Variants in FAT2 observed in about 807,000 individuals in gnomAD.
The protein encoded by FAT2 is protocadherin Fat 2.
A neutral mutation model predicts 295.3 loss-of-function variants in FAT2; 150 were observed. The ratio of observed to expected loss-of-function variants is 0.51; its 90% confidence interval spans 0.44 to 0.58. The LOEUF (loss-of-function observed/expected upper bound fraction) is 0.58, where lower values mean the gene tolerates loss of function less well. Among genes scored for constraint, FAT2 ranks in the 20% least tolerant of loss-of-function variants. The probability of loss-of-function intolerance (pLI) is 0.00; values close to 1 mark genes in which losing one functional copy is unlikely to be tolerated. For missense variants in FAT2, 4,868 were observed against 5,442.7 expected, an observed-to-expected ratio of 0.89 and a Z score of 3.32; for synonymous variants, 2,026 against 2,150.3, an observed-to-expected ratio of 0.94 and a Z score of 1.60.
chr5:151,547,981 A>C (rs58582772), intron 9 of FAT2, among the ~76,000 whole-genome samples: 1 of 152,338 alleles, frequency 6.6e-6, no homozygotes, highest in African/African-American at 2.4e-5. Context: ...AAACTAATCT[A>C]ATCTGGAAAA....
At chr5:151,549,573 G>A in intron 8 of FAT2, 68 bp from the exon 9 acceptor site, 10 of 1,353,296 alleles carry the variant, frequency 7.4e-6, no homozygotes, top group Non-Finnish European at 1.0e-5. Flanking sequence ...TTAGGGTAAG[G>A]TTAATGAACT....
At chr5:151,553,040 C>T (rs1757359946) in intron 6 of FAT2, 137 bp downstream of exon 6, 1 of 761,902 alleles carries the variant, frequency 1.3e-6, no homozygotes, top group Non-Finnish European at 2.2e-6. Flanking sequence ...AAGAGGCAGT[C>T]CCCACTCCGG....
chr5:151,519,749 T>TA (rs1331532221), intron 19 of FAT2, among the ~76,000 whole-genome samples: 4 of 152,170 alleles, frequency 2.6e-5, no homozygotes, highest in African/African-American at 7.2e-5. Flanking sequence ...TATATTTCAC[T>TA]AAAATGTTAA....
At chr5:151,535,751 C>T (rs1294759042) in intron 12 of FAT2, among the ~76,000 whole-genome samples, 9 of 152,120 alleles carry the variant, frequency 5.9e-5, no homozygotes, top group Non-Finnish European at 1.2e-4. Context: ...GGGGTAGAGT[C>T]TTGTGGACAG....
chr5:151,546,990 C>G (rs1756702525), intron 9 of FAT2, among the ~76,000 whole-genome samples: 1 of 152,200 alleles, frequency 6.6e-6, no homozygotes, highest in African/African-American at 2.4e-5. Context: ...TAGGCATTCT[C>G]ACATCACCTT....
At chr5:151,563,261 G>T (rs2127641185) in intron 3 of FAT2, 64 bp downstream of exon 3, 1 of 1,465,526 alleles carries the variant, frequency 6.8e-7, no homozygotes, top group Non-Finnish European at 9.4e-7. Context: ...GTGCCGATTT[G>T]GGCCCACAAT....
intron 2 of FAT2, 23 bp downstream of exon 2, chr5:151,565,645 GCACCC>G: frequency 6.6e-7 from 1 of 1,521,648 alleles, no homozygotes; most frequent in Non-Finnish European, 8.9e-7. Context: ...TCTGGCCCTG[GCACCC>G]CACCCTACCC....
intron 2 of FAT2, 26 bp downstream of exon 2, chr5:151,565,647 A>AGGGCCCCCC: frequency 3.4e-6 from 5 of 1,461,022 alleles, no homozygotes; most frequent in East Asian, 2.4e-5. Context: ...TGGCCCTGGC[A>AGGGCCCCCC]CCCCACCCTA....
intron 1 of FAT2, among the ~76,000 whole-genome samples, chr5:151,574,413 G>A (rs902255145): frequency 9.9e-5 from 15 of 152,166 alleles, no homozygotes; most frequent in African/African-American, 3.6e-4. Flanking sequence ...AACATATTCT[G>A]TTTATGAAAA....
chr5:151,538,056 A>AGG (rs904580699), intron 11 of FAT2, 110 bp from the exon 12 acceptor site: 2 of 883,526 alleles, frequency 2.3e-6, no homozygotes, highest in Admixed American at 5.2e-5. Flanking sequence ...AGACACTAAG[A>AGG]GGGCAGAGAC....
chr5:151,540,510 C>T (rs1003178452), intron 11 of FAT2, 57 bp downstream of exon 11: 1 of 1,510,620 alleles, frequency 6.6e-7, no homozygotes, highest in East Asian at 2.3e-5. Flanking sequence ...TTCTCCCACC[C>T]CTCACTCTTA....
At chr5:151,549,155 A>G in intron 9 of FAT2, 140 bp downstream of exon 9, 1 of 724,912 alleles carries the variant, frequency 1.4e-6, no homozygotes, top group Non-Finnish European at 2.3e-6. Flanking sequence ...AGGTAGTCCC[A>G]GGGAATGCTC....
At position 151,531,694 on chromosome 5, in the gene FAT2, G is replaced by A. The variant is rs763391750; in HGVS notation, c.9704C>T (p.Thr3235Met). The A allele has an allele frequency of 1.2e-6, 2 of 1,613,860 alleles. No homozygotes were observed. Among genetic ancestry groups the A allele is most frequent in the Non-Finnish European group, 1.7e-6 (2 of 1,179,900 alleles). The change falls in exon 14 of 24, where the codon ACG (threonine) becomes ATG (methionine). Residue 3235 changes from threonine to methionine, a missense_variant. By Grantham distance (81) the Thr-to-Met change is moderately conservative (BLOSUM62 -1). Coordinates refer to ENST00000261800, the MANE Select transcript of FAT2 (RefSeq NM_001447.3). The surrounding 1 kb of genome is among the most constrained non-coding windows in gnomAD (Gnocchi z 5.7). ...VQVPEDAPPGTEVLQLATLTR... is the reference protein window; with the variant it reads ...VQVPEDAPPGMEVLQLATLTR... Reference sequence around the variant, plus strand: ...GAGGGTGGCCAGCTGCAGCACCTCCGTGCCAGGTGGGGCGTCCTCGGGCAC... The same window carrying A: ...GAGGGTGGCCAGCTGCAGCACCTCCATGCCAGGTGGGGCGTCCTCGGGCAC...
At chr5:151,579,616 T>C (rs1758867682) in intron 1 of FAT2, among the ~76,000 whole-genome samples, 2 of 152,174 alleles carry the variant, frequency 1.3e-5, no homozygotes, top group Admixed American at 1.3e-4. Flanking sequence ...TATGAGTTAA[T>C]GGATGTGTTA....
In FAT2 at chr5:151,568,947, A is replaced by G; in HGVS notation, c.-16T>C. 6.3e-7 allele frequency: 1 copy of G among 1,578,364 alleles called. No individual in the cohort carries two copies. Among genetic ancestry groups the G allele is most frequent in the Non-Finnish European group, 8.6e-7 (1 of 1,163,562 alleles). On this transcript the variant is annotated 5_prime_UTR_variant, in exon 2 of 24. Transcript: ENST00000261800. Reference sequence around the variant, plus strand: ...CAATAGTCATGGTGGAAAACTCCCGAAACCCTGGGCAGAAAATAAAAGACA... The same window carrying G: ...CAATAGTCATGGTGGAAAACTCCCGGAACCCTGGGCAGAAAATAAAAGACA...
At chr5:151,554,742 T>A (rs2127632203) in intron 4 of FAT2, 69 bp from the exon 5 acceptor site, 1 of 1,178,584 alleles carries the variant, frequency 8.5e-7, no homozygotes, top group South Asian at 1.4e-5. Context: ...TTTAACAACC[T>A]GGAAATAGTA....
rs1760969245 is a variant in FAT2, at chr5:151,507,339, C to T, written c.12332G>A (p.Cys4111Tyr). ...IELNPLSASS[C>Y]NNLNQPEPSK... ...GGGTTCCGGTTGGTTGAGGTTGTTG[C>T]AGGAGCTGGCACTCAATGGGTTGAG... The change falls in exon 23 of 24, where the codon TGC becomes TAC. Residue 4111 changes from cysteine to tyrosine, a missense_variant. By Grantham distance (194) the Cys-to-Tyr change is radical. Coordinates refer to ENST00000261800, the MANE Select transcript of FAT2 (RefSeq NM_001447.3). The T allele has an allele frequency of 6.2e-7, 1 of 1,614,176 alleles. No individual in the cohort carries two copies. Among genetic ancestry groups the T allele is most frequent in the East Asian group, 2.2e-5 (1 of 44,876 alleles).
intron 1 of FAT2, among the ~76,000 whole-genome samples, chr5:151,581,059 A>T (rs1181007984): frequency 1.3e-5 from 2 of 152,136 alleles, no homozygotes; most frequent in Non-Finnish European, 2.9e-5. Context: ...AGGCACCTCC[A>T]GGAGGTGGAG....
chr5:151,559,647 C>CTG (rs145392136), intron 3 of FAT2, among the ~76,000 whole-genome samples: 28 of 151,816 alleles, frequency 1.8e-4, no homozygotes, highest in Non-Finnish European at 3.1e-4. Flanking sequence ...GCCTCTCTCT[C>CTG]TGTGTGTGTG....
Sources: allele counts gnomAD v4.1 joint callset (sites outside exome capture counted in the v4.1 genomes callset), GRCh38; gene constraint gnomAD v4.1.1; non-coding constraint Gnocchi (gnomAD v3.1); transcripts MANE v1.5; gene names NCBI Gene and HGNC (gene_info 2026-07-23, HGNC 2026-07-21).